Variants in RIMS2 observed in about 807,000 individuals in gnomAD.
RIMS2 encodes the protein regulating synaptic membrane exocytosis 2.
In RIMS2, 59 loss-of-function variants were observed where a neutral mutation model predicts 174.4. The observed-to-expected ratio is 0.34, with a 90% CI of 0.27 to 0.42. The LOEUF (loss-of-function observed/expected upper bound fraction) is 0.42, where lower values mean the gene tolerates loss of function less well. Among genes scored for constraint, RIMS2 ranks in the 10% least tolerant of loss-of-function variants. The pLI, the probability that RIMS2 is intolerant of heterozygous loss-of-function variation, is 1.00. For missense variants in RIMS2, 1,620 were observed against 1,666.3 expected (o/e 0.97, Z 0.48); for synonymous variants, 606 against 572.5 (o/e 1.06, Z -0.84).
intron 2 of RIMS2, among the ~76,000 whole-genome samples, chr8:103,750,147 A>G (rs2139681486): frequency 6.6e-6 from 1 of 152,238 alleles, no homozygotes; most frequent in Non-Finnish European, 1.5e-5. Context: ...TTCACTGCAT[A>G]TTGATATTAC....
At position 103,576,048 on chromosome 8, in the gene RIMS2, C is replaced by G. The variant is rs118149569; in HGVS notation, c.176+74986C>G. 9.9e-3 allele frequency among the ~76,000 whole-genome samples: 1,515 copies of G among 152,282 alleles called. 10 individuals carry two copies. The highest frequency in any genetic ancestry group is 0.017 in the Middle Eastern group (5 of 294). ...CCAAACACAAAGTGGGAGGGCAGGA[C>G]CACTATCCTCAGCATGGAAACCCTG... On this transcript the variant is annotated intron_variant, in intron 1 of 23. Transcript: ENST00000504942.
chr8:103,613,316 G>A (rs1387125006), intron 1 of RIMS2, among the ~76,000 whole-genome samples: 1 of 152,108 alleles, frequency 6.6e-6, no homozygotes. Context: ...TATCCCTGTG[G>A]GCACACTAAC....
At position 104,198,161 on chromosome 8, in the gene RIMS2, C is replaced by G. The variant is rs2099035447; in HGVS notation, c.3335-46755C>G. Among the ~76,000 whole-genome samples, 7 of 152,118 alleles carry G rather than the reference C, an allele frequency of 4.6e-5. No individual in the cohort carries two copies. The South Asian group carries it at 1.4e-3, about 32-fold the overall frequency. On this transcript the variant is annotated intron_variant, in intron 19 of 23. Transcript: ENST00000504942. The stretch of plus-strand genomic sequence containing the variant: ...AAAGGATGCGGTTCGCCTCAAGATC[C>G]AAAGTTTTTGCTAAAAAAACAAAGA...
At chr8:103,580,515 T>C (rs1475720921) in intron 1 of RIMS2, among the ~76,000 whole-genome samples, 1 of 152,056 alleles carries the variant, frequency 6.6e-6, no homozygotes, top group Non-Finnish European at 1.5e-5. Flanking sequence ...ATAACAATTA[T>C]GAATTTCTGT....
chr8:103,794,565 A>T (rs1288686130), intron 3 of RIMS2, among the ~76,000 whole-genome samples: 1 of 152,238 alleles, frequency 6.6e-6, no homozygotes, highest in Non-Finnish European at 1.5e-5. Flanking sequence ...ATGGCAACAA[A>T]AGCCAGAATA....
At chr8:104,242,698 T>C (rs988794602) in intron 19 of RIMS2, among the ~76,000 whole-genome samples, 5 of 152,196 alleles carry the variant, frequency 3.3e-5, no homozygotes, top group African/African-American at 1.2e-4. Context: ...ATCACCTGTT[T>C]TTGAAAAGTT....
At chr8:103,673,112 C>T (rs1218191796) in intron 1 of RIMS2, among the ~76,000 whole-genome samples, 1 of 152,206 alleles carries the variant, frequency 6.6e-6, no homozygotes, top group East Asian at 1.9e-4. Flanking sequence ...GCGTGCAGGA[C>T]ACACTGGTGC....
intron 3 of RIMS2, among the ~76,000 whole-genome samples, chr8:103,837,721 A>G (rs2098909787): frequency 6.6e-6 from 1 of 152,144 alleles, no homozygotes; most frequent in South Asian, 2.1e-4. Context: ...ATAGTATTCC[A>G]TGGTGTATAT....
intron 15 of RIMS2, among the ~76,000 whole-genome samples, chr8:103,968,515 CTT>C (rs146890850): frequency 6.8e-6 from 1 of 147,176 alleles, no homozygotes; most frequent in African/African-American, 2.5e-5. Context: ...TTTTTCTTAC[CTT>C]TTTTTTTGGG....
In RIMS2 at chr8:104,222,127, C is replaced by T. The variant is rs373673795; in HGVS notation, c.3335-22789C>T. 6.4e-4 allele frequency among the ~76,000 whole-genome samples: 98 copies of T among 152,306 alleles called. 1 individual carries two copies. Among genetic ancestry groups the T allele is most frequent in the African/African-American group, 2.3e-3 (94 of 41,564 alleles). ...GACAACTCTTTTTGAATTGCAGTGT[C>T]CCATACCTCTTAACTTTTTATTTGC... On this transcript the variant is annotated intron_variant, in intron 19 of 23. Transcript: ENST00000504942.
chr8:104,213,599 G>T (rs1438144396), intron 19 of RIMS2, among the ~76,000 whole-genome samples: 1 of 152,098 alleles, frequency 6.6e-6, no homozygotes, highest in Non-Finnish European at 1.5e-5. Flanking sequence ...TGAATGGGCC[G>T]GGTGCAGTGG....
At chr8:104,164,203 G>A (rs2098782432) in intron 19 of RIMS2, among the ~76,000 whole-genome samples, 1 of 114,076 alleles carries the variant, frequency 8.8e-6, no homozygotes, top group South Asian at 2.9e-4. Flanking sequence ...CTGTGTGAAA[G>A]GAAAGATAAA....
intron 3 of RIMS2, among the ~76,000 whole-genome samples, chr8:103,878,353 T>C (rs1458261256): frequency 2.0e-5 from 3 of 151,882 alleles, no homozygotes; most frequent in African/African-American, 2.4e-5. Context: ...CTAGGTATTT[T>C]ATGTGTGGTG....
At chr8:104,250,558 C>T (rs903147341) in intron 22 of RIMS2, among the ~76,000 whole-genome samples, 4 of 152,146 alleles carry the variant, frequency 2.6e-5, no homozygotes, top group Non-Finnish European at 2.9e-5. Flanking sequence ...TGCCTCTTAG[C>T]TAATTTGATC....
intron 2 of RIMS2, among the ~76,000 whole-genome samples, chr8:103,760,425 T>C (rs2098097440): frequency 6.6e-6 from 1 of 152,278 alleles, no homozygotes; most frequent in Admixed American, 6.5e-5. Context: ...TAAGGAATCC[T>C]ATTAGAAAAT....
intron 1 of RIMS2, among the ~76,000 whole-genome samples, chr8:103,691,133 C>T (rs896933160): frequency 2.6e-5 from 4 of 152,028 alleles, no homozygotes; most frequent in African/African-American, 7.2e-5. Flanking sequence ...TTATCCTTTA[C>T]CTTTGGGAGT....
chr8:103,687,100 C>T (rs80185139), intron 1 of RIMS2, among the ~76,000 whole-genome samples: 3 of 151,912 alleles, frequency 2.0e-5, no homozygotes, highest in Non-Finnish European at 2.9e-5. Context: ...TTGAAAGGTT[C>T]TTAAACTATG....
chr8:103,548,780 T>G (rs1846253543), intron 1 of RIMS2, among the ~76,000 whole-genome samples: 1 of 152,130 alleles, frequency 6.6e-6, no homozygotes, highest in Non-Finnish European at 1.5e-5. Context: ...CCATAATCTC[T>G]ATCTAAAAGC....
rs147173369 is a variant in RIMS2 at position 103,927,388 on chromosome 8, C to T, written c.2197-454C>T. ...GGGTAGACATACTTTGGAGAAGTCA[C>T]ACAATTACTTCCACAGATGGCTTTT... is the stretch of plus-strand genomic sequence containing the variant. On this transcript the variant is annotated intron_variant, in intron 10 of 23. Transcript: ENST00000504942. 3.3e-5 allele frequency among the ~76,000 whole-genome samples: 5 copies of T among 151,552 alleles called. No homozygotes were observed. The East Asian group carries it at 7.7e-4, about 23-fold the overall frequency.
Sources: allele counts gnomAD v4.1 joint callset (sites outside exome capture counted in the v4.1 genomes callset), GRCh38; gene constraint gnomAD v4.1.1; transcripts MANE v1.5; gene names NCBI Gene and HGNC (gene_info 2026-07-23, HGNC 2026-07-21).